COQ8A: variants seen among roughly 807,000 people sequenced by gnomAD.
The protein encoded by COQ8A is atypical kinase COQ8A, mitochondrial.
In COQ8A, 51 loss-of-function variants were observed where a neutral mutation model predicts 65.0. The observed-to-expected ratio is 0.78, with a 90% CI of 0.63 to 0.99. COQ8A has a LOEUF of 0.99. COQ8A is among the 50% of genes least tolerant of loss of function. The probability of loss-of-function intolerance (pLI) is 0.00; values close to 1 mark genes in which losing one functional copy is unlikely to be tolerated. For synonymous variants in COQ8A, 371 were observed against 353.2 expected (o/e 1.05, Z -0.57); for missense variants, 940 against 875.0 (o/e 1.07, Z -0.94).
intron 1 of COQ8A, among the ~76,000 whole-genome samples, chr1:226,960,267 ACTTGGTGGCGG>A (rs1658089702): frequency 2.6e-4 from 11 of 42,460 alleles, no homozygotes; most frequent in South Asian, 8.2e-4. Flanking sequence ...TGGTGGTGGT[ACTTGGTGGCGG>A]TGGTACTTGG....
chr1:226,979,379 C>T (rs1004983306), intron 5 of COQ8A, among the ~76,000 whole-genome samples: 2 of 152,290 alleles, frequency 1.3e-5, no homozygotes, highest in East Asian at 1.9e-4. Flanking sequence ...GCACGGGGGG[C>T]GGGCCAGGTA....
intron 1 of COQ8A, among the ~76,000 whole-genome samples, chr1:226,945,090 C>G (rs142302175): frequency 4.3e-4 from 66 of 152,286 alleles, no homozygotes; most frequent in African/African-American, 1.5e-3. Context: ...CAGAACAGCC[C>G]TGTGTGTGCT....
intron 12 of COQ8A, 26 bp from the exon 13 acceptor site, chr1:226,984,850 A>G: frequency 1.2e-6 from 2 of 1,613,546 alleles, no homozygotes; most frequent in South Asian, 1.1e-5. Flanking sequence ...CCAGGGCCAA[A>G]CTTCTCCTGG....
intron 1 of COQ8A, among the ~76,000 whole-genome samples, chr1:226,941,948 A>G (rs1193259813): frequency 1.3e-5 from 2 of 152,160 alleles, no homozygotes; most frequent in Non-Finnish European, 2.9e-5. Flanking sequence ...ATCTAAGACA[A>G]AGTTTTTCAA....
At chr1:226,983,405 C>A in intron 8 of COQ8A, 147 bp from the exon 9 acceptor site, 1 of 783,928 alleles carries the variant, frequency 1.3e-6, no homozygotes, top group South Asian at 1.5e-5. Context: ...GTCACGGCAG[C>A]ATGGCTGGGT....
intron 8 of COQ8A, 185 bp downstream of exon 8, chr1:226,983,219 A>C: frequency 1.0e-6 from 1 of 999,230 alleles, no homozygotes; most frequent in Admixed American, 2.9e-5. Flanking sequence ...TATTTGCTAA[A>C]TGAGTGACTT....
intron 8 of COQ8A, 83 bp downstream of exon 8, chr1:226,983,117 C>G (rs1659820180): frequency 6.7e-7 from 1 of 1,502,076 alleles, no homozygotes. Context: ...GGCCTCTACA[C>G]CCCACGTCCC....
Position 226,987,093 on chromosome 1 carries a change from C to T in COQ8A, c.*356C>T, listed in dbSNP as rs745811173. On this transcript the variant is annotated 3_prime_UTR_variant, in exon 15 of 15. Coordinates refer to ENST00000366777, the MANE Select transcript of COQ8A (RefSeq NM_020247.5). ...TTCCAATCTCTGTTCAGTGCAAAAC[C>T]CAGAAACATGAACAGATACGATTGT... The T allele has an allele frequency of 2.9e-6, 1 of 343,044 alleles. No homozygotes were observed. Among genetic ancestry groups the T allele is most frequent in the Non-Finnish European group, 5.5e-6 (1 of 180,504 alleles). 21.3% of individuals were successfully genotyped at this position (343,044 alleles called of 1,614,324 possible). A position where few individuals can be genotyped will look rare whatever the true frequency, so the allele number is the denominator to read the frequency against.
intron 5 of COQ8A, among the ~76,000 whole-genome samples, chr1:226,981,556 G>A (rs1263215995): frequency 6.6e-6 from 1 of 152,232 alleles, no homozygotes; most frequent in Non-Finnish European, 1.5e-5. Flanking sequence ...TTGGCCCCAT[G>A]TGCAAATGCA....
chr1:226,942,075 C>A (rs1284189075), intron 1 of COQ8A, among the ~76,000 whole-genome samples: 1 of 152,052 alleles, frequency 6.6e-6, no homozygotes, highest in Non-Finnish European at 1.5e-5. Flanking sequence ...GCACCGCTCC[C>A]CACCCCTTCT....
chr1:226,985,398 G>T (rs969551636), intron 14 of COQ8A, 58 bp downstream of exon 14: 3 of 1,586,070 alleles, frequency 1.9e-6, no homozygotes, highest in Non-Finnish European at 1.7e-6. Flanking sequence ...GGCTCCCTGT[G>T]TAAGAATGGA....
Position 226,977,533 on chromosome 1 carries a change from GC to G in COQ8A, c.730+13del. On this transcript the variant is annotated intron_variant, in intron 5 of 14. Transcript: ENST00000366777. ...TCCGAGGACCCCTCAGGTGAGCCGG[GC>G]CCTTCAGTGGGAGGGGCAGGGTGGG... 1 of 1,553,768 alleles carries G rather than the reference GC, an allele frequency of 6.4e-7. No individual in the cohort carries two copies. Among genetic ancestry groups the G allele is most frequent in the Admixed American group, 2.0e-5 (1 of 51,206 alleles).
At chr1:226,947,804 T>A (rs4999617) in intron 1 of COQ8A, among the ~76,000 whole-genome samples, 3,908 of 53,976 alleles carry the variant, frequency 0.072, 141 homozygotes, top group African/African-American at 0.22. Context: ...CAAAAAAATA[T>A]ATATATATAT....
chr1:226,966,900 C>T (rs909276784), intron 4 of COQ8A, among the ~76,000 whole-genome samples: 2 of 152,082 alleles, frequency 1.3e-5, no homozygotes, highest in African/African-American at 4.8e-5. Context: ...GGCTGGCCCC[C>T]CTCTCCAAGG....
chr1:226,957,048 CCACTCTCCCTGATTCA>C (rs1657826914), intron 1 of COQ8A, among the ~76,000 whole-genome samples: 2 of 137,272 alleles, frequency 1.5e-5, no homozygotes, highest in Non-Finnish European at 3.1e-5. Flanking sequence ...TCCCTGGCTC[CCACTCTCCCTGATTCA>C]CACTCTCCCT....
At chr1:226,975,485 T>A (rs1659137698) in intron 4 of COQ8A, among the ~76,000 whole-genome samples, 1 of 152,244 alleles carries the variant, frequency 6.6e-6, no homozygotes, top group Non-Finnish European at 1.5e-5. Context: ...ATATCTCTAA[T>A]AATATTTATT....
intron 2 of COQ8A, among the ~76,000 whole-genome samples, chr1:226,962,106 G>A (rs936869219): frequency 6.6e-6 from 1 of 152,208 alleles, no homozygotes; most frequent in East Asian, 1.9e-4. Flanking sequence ...GTGTCCATCA[G>A]CCTGGCTCAG....
chr1:226,976,139 A>G (rs1302944576), intron 4 of COQ8A, among the ~76,000 whole-genome samples: 3 of 117,358 alleles, frequency 2.6e-5, no homozygotes, highest in African/African-American at 7.0e-5. Context: ...GGGCTGCGGG[A>G]CTGCGGGGCT....
chr1:226,964,127 T>G (rs1658417817), intron 2 of COQ8A, among the ~76,000 whole-genome samples: 1 of 152,224 alleles, frequency 6.6e-6, no homozygotes, highest in African/African-American at 2.4e-5. Context: ...GGTATCCTGC[T>G]GTCTGCATAC....
Sources: allele counts gnomAD v4.1 joint callset (sites outside exome capture counted in the v4.1 genomes callset), GRCh38; gene constraint gnomAD v4.1.1; transcripts MANE v1.5; gene names NCBI Gene and HGNC (gene_info 2026-07-23, HGNC 2026-07-21).